ERC2: variants seen among roughly 807,000 people sequenced by gnomAD.
ERC2 encodes ERC protein 2.
A neutral mutation model predicts 114.8 loss-of-function variants in ERC2; 42 were observed. The ratio of observed to expected loss-of-function variants is 0.37; its 90% CI spans 0.29 to 0.47. The LOEUF is 0.47. ERC2 is among the 20% of genes least tolerant of loss of function. The pLI is 0.99. For missense variants in ERC2, 939 were observed against 1,150.7 expected (o/e 0.82, Z 2.66); for synonymous variants, 454 against 425.5 (o/e 1.07, Z -0.82).
At chr3:55,693,097 G>C (rs1401499544) in intron 16 of ERC2, among the ~76,000 whole-genome samples, 1 of 152,188 alleles carries the variant, frequency 6.6e-6, no homozygotes, top group African/African-American at 2.4e-5. Flanking sequence ...ACAGTCATCA[G>C]GAGCAGCAGA....
chr3:55,756,395 A>C (rs2067061706), intron 14 of ERC2, among the ~76,000 whole-genome samples: 2 of 152,118 alleles, frequency 1.3e-5, no homozygotes, highest in Non-Finnish European at 2.9e-5. Context: ...TGACATCAAA[A>C]TATTCTTGGT....
At chr3:56,176,816 T>C (rs969375674) in intron 3 of ERC2, among the ~76,000 whole-genome samples, 3 of 152,200 alleles carry the variant, frequency 2.0e-5, no homozygotes, top group East Asian at 1.9e-4. Flanking sequence ...TCCTCTTCCA[T>C]ACAATAGAGT....
intron 3 of ERC2, among the ~76,000 whole-genome samples, chr3:56,271,933 T>C (rs1340760927): frequency 6.6e-6 from 1 of 152,230 alleles, no homozygotes; most frequent in Non-Finnish European, 1.5e-5. Context: ...CAATGTTCTT[T>C]TTTATGGCTG....
chr3:56,232,762 T>C (rs970980190), intron 3 of ERC2, among the ~76,000 whole-genome samples: 1 of 152,176 alleles, frequency 6.6e-6, no homozygotes, highest in Admixed American at 6.5e-5. Flanking sequence ...TTCCATGGAT[T>C]CCCACTGTAT....
Position 55,845,489 on chromosome 3 carries a change from G to A in ERC2, c.2564+42900C>T, listed in dbSNP as rs113489152. The stretch of plus-strand genomic sequence containing the variant: ...ACTGCACTCCAGCCTGGGCGACAGA[G>A]CGAGACTCCGTCTCAAAAAAAAAAA... On this transcript the variant is annotated intron_variant, in intron 14 of 17. Coordinates refer to ENST00000288221, the MANE Select transcript of ERC2 (RefSeq NM_015576.3). Among the ~76,000 whole-genome samples, 572 of 123,082 alleles carry A rather than the reference G, an allele frequency of 4.6e-3. 3 individuals are homozygous for A. Among genetic ancestry groups the A allele is most frequent in the African/African-American group, 0.018 (541 of 30,128 alleles). 80.7% of individuals were successfully genotyped at this position (123,082 alleles called of 152,430 possible).
chr3:56,094,037 T>C (rs1319273147), intron 6 of ERC2, among the ~76,000 whole-genome samples: 1 of 152,192 alleles, frequency 6.6e-6, no homozygotes, highest in South Asian at 2.1e-4. Context: ...GCAAAGATCT[T>C]CTTTAAATTG....
chr3:55,908,178 C>T (rs1029118019), intron 13 of ERC2, among the ~76,000 whole-genome samples: 27 of 152,056 alleles, frequency 1.8e-4, no homozygotes, highest in African/African-American at 6.5e-4. Flanking sequence ...GGCCAGATCC[C>T]CTGATTTATC....
At chr3:56,149,272 A>G (rs1455785329) in intron 4 of ERC2, 140 bp from the exon 5 acceptor site, 1 of 772,898 alleles carries the variant, frequency 1.3e-6, no homozygotes, top group Non-Finnish European at 2.0e-6. Context: ...ATTTAGGACA[A>G]CTTATTTTTT....
At chr3:56,249,694 C>T (rs908189114) in intron 3 of ERC2, among the ~76,000 whole-genome samples, 14 of 152,084 alleles carry the variant, frequency 9.2e-5, no homozygotes, top group African/African-American at 3.4e-4. Flanking sequence ...ATAGCATCTA[C>T]ACACTACAGG....
chr3:56,004,879 C>G (rs1266720799), intron 10 of ERC2, among the ~76,000 whole-genome samples: 2 of 151,958 alleles, frequency 1.3e-5, no homozygotes, highest in East Asian at 1.9e-4. Context: ...GCTTTTATAG[C>G]TGCTTATTTT....
At chr3:56,466,324 C>T (rs1163675748) in intron 1 of ERC2, among the ~76,000 whole-genome samples, 1 of 152,156 alleles carries the variant, frequency 6.6e-6, no homozygotes, top group Non-Finnish European at 1.5e-5. Context: ...AGTGACAGCT[C>T]TTTGGATCAA....
intron 3 of ERC2, among the ~76,000 whole-genome samples, chr3:56,209,452 C>T (rs1310509511): frequency 1.3e-5 from 2 of 152,210 alleles, no homozygotes; most frequent in Non-Finnish European, 2.9e-5. Context: ...TGGGACATTC[C>T]CTTAGCTGTT....
intron 2 of ERC2, among the ~76,000 whole-genome samples, chr3:56,388,252 T>A (rs1361400453): frequency 1.3e-5 from 2 of 152,116 alleles, no homozygotes; most frequent in Non-Finnish European, 2.9e-5. Context: ...TGGGGACAGA[T>A]CCCTCATGAA....
At chr3:55,952,180 C>CTA (rs1491480619) in intron 12 of ERC2, among the ~76,000 whole-genome samples, 15 of 25,608 alleles carry the variant, frequency 5.9e-4, no homozygotes, top group Non-Finnish European at 9.3e-4. Flanking sequence ...CACACACACA[C>CTA]TCTCTCTCTC....
chr3:55,648,517 C>T (rs1248151576), intron 17 of ERC2, among the ~76,000 whole-genome samples: 2 of 152,212 alleles, frequency 1.3e-5, no homozygotes, highest in African/African-American at 4.8e-5. Flanking sequence ...GTGGGAGCCA[C>T]AGAGATGTGT....
At chr3:55,975,293 G>A (rs1344755175) in intron 12 of ERC2, among the ~76,000 whole-genome samples, 1 of 152,044 alleles carries the variant, frequency 6.6e-6, no homozygotes, top group African/African-American at 2.4e-5. Flanking sequence ...TGCAATTATA[G>A]GAACATAATT....
At chr3:56,256,424 T>C (rs2052520150) in intron 3 of ERC2, among the ~76,000 whole-genome samples, 1 of 152,238 alleles carries the variant, frequency 6.6e-6, no homozygotes, top group Admixed American at 6.5e-5. Flanking sequence ...ATTATCTCAA[T>C]ATCCAGGTAT....
At chr3:56,453,380 C>G (rs983821110) in intron 1 of ERC2, among the ~76,000 whole-genome samples, 1 of 152,210 alleles carries the variant, frequency 6.6e-6, no homozygotes, top group Non-Finnish European at 1.5e-5. Flanking sequence ...AGCAGAATCA[C>G]AGACAACCCC....
At chr3:55,957,583 T>C (rs2068047588) in intron 12 of ERC2, among the ~76,000 whole-genome samples, 1 of 152,218 alleles carries the variant, frequency 6.6e-6, no homozygotes. Flanking sequence ...TCAACCCACT[T>C]GACCCAGCAG....
Sources: allele counts gnomAD v4.1 joint callset (sites outside exome capture counted in the v4.1 genomes callset), GRCh38; gene constraint gnomAD v4.1.1; transcripts MANE v1.5; gene names NCBI Gene and HGNC (gene_info 2026-07-23, HGNC 2026-07-21).